The following MYO7B variants were observed in gnomAD, a reference collection of about 807,000 sequenced individuals.
MYO7B encodes the protein myosin VIIB, also known as unconventional myosin-VIIb.
A neutral mutation model predicts 259.7 loss-of-function variants in MYO7B; 212 were observed. The ratio of observed to expected loss-of-function variants is 0.82; its 90% CI spans 0.73 to 0.91. The LOEUF (loss-of-function observed/expected upper bound fraction) is 0.91. Among genes scored for constraint, MYO7B ranks in the 40% least tolerant of loss-of-function variants. The pLI, the probability that MYO7B is intolerant of heterozygous loss-of-function variation, is 0.00. For synonymous variants in MYO7B, 1,197 were observed against 1,166.4 expected (o/e 1.03, Z -0.54); for missense variants, 2,732 against 2,813.5 (o/e 0.97, Z 0.66).
rs542589797 is a variant in MYO7B, at chr2:127,558,507, G to A, written c.-23-1193G>A. ...AATCCCACTACTGGGTGTCTACCCAGGGGAAAAGAACTCACTATTCGAAAA... is the reference window on the plus strand; with the variant it reads ...AATCCCACTACTGGGTGTCTACCCAAGGGAAAAGAACTCACTATTCGAAAA... On this transcript the variant is annotated intron_variant, in intron 1 of 47. Transcript: ENST00000409816. 1.9e-4 allele frequency among the ~76,000 whole-genome samples: 29 copies of A among 152,268 alleles called. No homozygotes were observed. In the South Asian group the frequency reaches 6.0e-3, roughly 32 times the overall value.
Position 127,627,669 on chromosome 2 carries a change from TG to T in MYO7B, c.4460+362del, listed in dbSNP as rs1558848052. On this transcript the variant is annotated intron_variant, in intron 33 of 47. Transcript: ENST00000409816. The surrounding 1 kb of genome is among the most constrained non-coding windows in gnomAD (Gnocchi z 5.6). ...GGTGGCCTGGAGGGTACAGGTTGTCTGGGAAGGCGACAAGGGACAGTGCCTG... is the reference window on the plus strand; with the variant it reads ...GGTGGCCTGGAGGGTACAGGTTGTCTGGAAGGCGACAAGGGACAGTGCCTG... 2.1e-6 allele frequency: 1 copy of T among 465,206 alleles called. No individual in the cohort carries two copies. Among genetic ancestry groups the T allele is most frequent in the Non-Finnish European group, 4.3e-6 (1 of 233,068 alleles). 28.8% of individuals were successfully genotyped at this position (465,206 alleles called of 1,614,324 possible).
In MYO7B at chr2:127,564,174, C is replaced by T. The variant is rs775100109; in HGVS notation, c.40C>T (p.Pro14Ser). Residue 14 changes from proline to serine, a missense_variant, in exon 3 of 48, where the codon CCT becomes TCT. Pro to Ser is a moderately conservative substitution (Grantham distance 74, BLOSUM62 -1). Transcript: ENST00000409816. ...CCAGGGTGACCACGTGTGGCTGGAG[C>T]CTCCCTCCACCCACAAGACCGGCGT... ...FRLGDHVWLEPPSTHKTGVAI... is the reference protein window; with the variant it reads ...FRLGDHVWLESPSTHKTGVAI... The T allele has an allele frequency of 1.3e-6, 2 of 1,568,144 alleles. No individual in the cohort carries two copies. The highest frequency in any genetic ancestry group is 1.7e-6 in the Non-Finnish European group (2 of 1,157,258).
chr2:127,593,950 C>G (rs980994558), intron 18 of MYO7B, among the ~76,000 whole-genome samples: 4 of 152,236 alleles, frequency 2.6e-5, no homozygotes, highest in African/African-American at 9.6e-5. Context: ...CACAGGGCAG[C>G]ACCCAGGAGC....
At chr2:127,624,417 TGGG>T (rs1034524244) in intron 30 of MYO7B, 97 bp downstream of exon 30, 3 of 1,032,722 alleles carry the variant, frequency 2.9e-6, no homozygotes, top group Non-Finnish European at 4.2e-6. Context: ...AGGTAGAAGG[TGGG>T]GGGGCAGGAA....
chr2:127,570,035 A>G (rs1290991962), intron 6 of MYO7B, 125 bp downstream of exon 6: 5 of 1,213,622 alleles, frequency 4.1e-6, no homozygotes, highest in Non-Finnish European at 5.6e-6. Flanking sequence ...CCCTTGGGAC[A>G]CAAAACACAA....
chr2:127,620,257 A>G, intron 26 of MYO7B, 83 bp from the exon 27 acceptor site: 2 of 1,509,146 alleles, frequency 1.3e-6, no homozygotes, highest in Non-Finnish European at 1.8e-6. Flanking sequence ...TCAGAGGTGC[A>G]CAAGAGCTGT....
intron 1 of MYO7B, among the ~76,000 whole-genome samples, chr2:127,550,967 G>T (rs1693422986): frequency 6.6e-6 from 1 of 151,896 alleles, no homozygotes; most frequent in East Asian, 1.9e-4. Flanking sequence ...CACAAGTTTT[G>T]GGGGTCAGAA....
chr2:127,604,972 A>C (rs1335142198), intron 19 of MYO7B, among the ~76,000 whole-genome samples: 3 of 152,364 alleles, frequency 2.0e-5, no homozygotes, highest in African/African-American at 7.2e-5. Context: ...AAGTGACCAC[A>C]TGCTGTTGGA....
At chr2:127,589,648 G>A (rs1258917032) in intron 15 of MYO7B, among the ~76,000 whole-genome samples, 5 of 134,606 alleles carry the variant, frequency 3.7e-5, no homozygotes, top group African/African-American at 1.4e-4. Flanking sequence ...ATGGGTGAAT[G>A]GATGGGTGAA....
intron 5 of MYO7B, among the ~76,000 whole-genome samples, chr2:127,568,899 C>CA (rs375326672): frequency 0.014 from 1,876 of 130,286 alleles, 52 homozygotes; most frequent in Admixed American, 0.068. Context: ...GACTCCGTCT[C>CA]AAAAAAAAAA....
rs1679125911 is a variant in MYO7B at position 127,582,086 on chromosome 2, G to T, written c.1200+76G>T. 2.5e-6 allele frequency: 4 copies of T among 1,597,126 alleles called. No individual in the cohort carries two copies. In the South Asian group the frequency reaches 3.4e-5, roughly 13 times the overall value. Reference sequence around the variant, plus strand: ...CTGCTTCTTGCTGTGCCGGTGGAGGGCAGGATGGAGCAGAGGGCCCTGGGC... The same window carrying T: ...CTGCTTCTTGCTGTGCCGGTGGAGGTCAGGATGGAGCAGAGGGCCCTGGGC... On this transcript the variant is annotated intron_variant, in intron 11 of 47. Transcript: ENST00000409816.
At chr2:127,595,770 C>A (rs1317216741) in intron 18 of MYO7B, among the ~76,000 whole-genome samples, 1 of 152,090 alleles carries the variant, frequency 6.6e-6, no homozygotes, top group Non-Finnish European at 1.5e-5. Flanking sequence ...TCTATGTAGT[C>A]GTGTGGTTTT....
chr2:127,604,252 TTA>T (rs1680076658), intron 19 of MYO7B, among the ~76,000 whole-genome samples: 1 of 152,252 alleles, frequency 6.6e-6, no homozygotes, highest in Non-Finnish European at 1.5e-5. Flanking sequence ...CCTTGCACTT[TTA>T]TGTTATAGAA....
At position 127,610,103 on chromosome 2, in the gene MYO7B, G is replaced by A. The variant is rs1027609591; in HGVS notation, c.3192+87G>A. ...AGTCCCTGGGGCAGCTGGACAGGACGGAGAGACAAGACCTGGAGCCCTGTC... is the reference window on the plus strand; with the variant it reads ...AGTCCCTGGGGCAGCTGGACAGGACAGAGAGACAAGACCTGGAGCCCTGTC... On this transcript the variant is annotated intron_variant, in intron 24 of 47. Transcript: ENST00000409816. 13 of 1,508,874 alleles carry A rather than the reference G, an allele frequency of 8.6e-6. No homozygotes were observed. The African/African-American group carries it at 1.1e-4, about 13-fold the overall frequency. 93.5% of individuals were successfully genotyped at this position (1,508,874 alleles called of 1,614,324 possible).
Position 127,611,381 on chromosome 2 carries a change from C to T in MYO7B, c.3193-869C>T, listed in dbSNP as rs1007934009. Among the ~76,000 whole-genome samples the T allele has an allele frequency of 1.3e-5, 2 of 152,208 alleles. No individual in the cohort carries two copies. Among genetic ancestry groups the T allele is most frequent in the Non-Finnish European group, 2.9e-5 (2 of 68,022 alleles). ...CACTCAGGGAAAAGACTCTGGGAGG[C>T]AGTCCAGCCAACCAGCACCTCTGAA... is the stretch of plus-strand genomic sequence containing the variant. On this transcript the variant is annotated intron_variant, in intron 24 of 47. Coordinates refer to ENST00000409816, the MANE Select transcript of MYO7B (RefSeq NM_001393586.1). This position sits in a 1 kb window ranked among gnomAD's most constrained non-coding sequence, Gnocchi z 5.4.
At chr2:127,596,705 T>C (rs1393317707) in intron 19 of MYO7B, 149 bp downstream of exon 19, 2 of 669,186 alleles carry the variant, frequency 3.0e-6, no homozygotes, top group Admixed American at 4.8e-5. Flanking sequence ...CCAGGGACAC[T>C]GCAGCCTATG....
At chr2:127,634,474 C>A (rs748372204) in intron 41 of MYO7B, 122 bp from the exon 42 acceptor site, 1 of 946,072 alleles carries the variant, frequency 1.1e-6, no homozygotes, top group South Asian at 1.5e-5. Flanking sequence ...CAATAGCCCA[C>A]GCACAGCCGA....
rs1680503116 is a variant in MYO7B at position 127,614,592 on chromosome 2, C to CCA, written c.3398+1990_3398+1991insAC. Among the ~76,000 whole-genome samples, 6 of 152,122 alleles carry CCA rather than the reference C, an allele frequency of 3.9e-5. No individual in the cohort carries two copies. The highest frequency in any genetic ancestry group is 7.4e-5 in the Non-Finnish European group (5 of 68,026). On this transcript the variant is annotated intron_variant, in intron 26 of 47. Coordinates refer to ENST00000409816, the MANE Select transcript of MYO7B (RefSeq NM_001393586.1). This position sits in a 1 kb window ranked among gnomAD's most constrained non-coding sequence, Gnocchi z 4.6. ...TCAATCAACAGGCTCTATTCTAGTA[C>CCA]CCTGGGAGGTGGCAAATGGGCTTCT...
chr2:127,605,324 C>G (rs1383513465), intron 19 of MYO7B, among the ~76,000 whole-genome samples: 1 of 152,208 alleles, frequency 6.6e-6, no homozygotes, highest in Non-Finnish European at 1.5e-5. Context: ...TGGCTGGACA[C>G]AGTGGCTCAC....
Sources: gnomAD v4.1 joint callset for allele counts (sites outside exome capture counted in the v4.1 genomes callset) on GRCh38, gnomAD v4.1.1 for gene constraint, Gnocchi (gnomAD v3.1) non-coding constraint, MANE v1.5 for transcripts, NCBI Gene and HGNC (gene_info 2026-07-23, HGNC 2026-07-21) for gene names.